SNTB1: variants seen among roughly 807,000 people sequenced by gnomAD.
The protein encoded by SNTB1 is beta-1-syntrophin.
In SNTB1, 36 loss-of-function variants were observed where a neutral mutation model predicts 48.9. That is an observed-to-expected ratio of 0.74 (90% CI 0.56 to 0.97). The LOEUF (loss-of-function observed/expected upper bound fraction) is 0.97. Among genes scored for constraint, SNTB1 ranks in the 50% least tolerant of loss-of-function variants. The pLI is 0.00. For synonymous variants in SNTB1, 299 were observed against 294.6 expected (o/e 1.01, Z -0.15); for missense variants, 786 against 703.4 (o/e 1.12, Z -1.33).
intron 3 of SNTB1, among the ~76,000 whole-genome samples, chr8:120,631,836 T>TA (rs1816986198): frequency 6.6e-6 from 1 of 152,212 alleles, no homozygotes; most frequent in Non-Finnish European, 1.5e-5. Flanking sequence ...TAAGTCTTTA[T>TA]TATCTTTTCA....
At chr8:120,575,525 C>T (rs939788038) in intron 3 of SNTB1, among the ~76,000 whole-genome samples, 1 of 152,174 alleles carries the variant, frequency 6.6e-6, no homozygotes, top group Non-Finnish European at 1.5e-5. Context: ...TAGTGGGAGG[C>T]AAATGCCTGG....
intron 1 of SNTB1, among the ~76,000 whole-genome samples, chr8:120,755,211 G>A (rs1048024392): frequency 6.6e-6 from 1 of 151,820 alleles, no homozygotes; most frequent in African/African-American, 2.4e-5. Context: ...AAGAAAGAGA[G>A]AGAGAGGGTT....
intron 1 of SNTB1, among the ~76,000 whole-genome samples, chr8:120,750,946 AAC>A (rs1162256877): frequency 6.6e-6 from 1 of 152,150 alleles, no homozygotes; most frequent in Admixed American, 6.6e-5. Flanking sequence ...AGATGTTGAA[AAC>A]ACATACAATC....
At chr8:120,750,070 C>T (rs935622749) in intron 1 of SNTB1, among the ~76,000 whole-genome samples, 4 of 152,012 alleles carry the variant, frequency 2.6e-5, no homozygotes, top group African/African-American at 9.7e-5. Context: ...CTTGCAAGGC[C>T]AGCCCTTCCT....
At chr8:120,712,214 A>G (rs1169601135) in intron 1 of SNTB1, among the ~76,000 whole-genome samples, 1 of 152,022 alleles carries the variant, frequency 6.6e-6, no homozygotes, top group Non-Finnish European at 1.5e-5. Context: ...GGAGATCGAG[A>G]CCATCCTGGC....
intron 2 of SNTB1, among the ~76,000 whole-genome samples, chr8:120,645,438 T>A (rs987994572): frequency 2.2e-4 from 34 of 151,352 alleles, no homozygotes; most frequent in African/African-American, 8.0e-4. Flanking sequence ...CCCCATTGCT[T>A]GTTTTTCTCA....
At chr8:120,751,433 T>C (rs188196496) in intron 1 of SNTB1, among the ~76,000 whole-genome samples, 140 of 152,266 alleles carry the variant, frequency 9.2e-4, no homozygotes, top group African/African-American at 3.2e-3. Context: ...TTTTTATTAC[T>C]GCACATTCAA....
chr8:120,584,114 T>C (rs1182169525), intron 3 of SNTB1, among the ~76,000 whole-genome samples: 4 of 152,104 alleles, frequency 2.6e-5, no homozygotes, highest in Non-Finnish European at 5.9e-5. Context: ...AAGACCAGCC[T>C]GGCCAACATG....
At chr8:120,671,106 C>G (rs565000330) in intron 2 of SNTB1, among the ~76,000 whole-genome samples, 12 of 152,192 alleles carry the variant, frequency 7.9e-5, no homozygotes, top group African/African-American at 2.2e-4. Context: ...GATTTCCAGG[C>G]CCCTTTTTTT....
intron 4 of SNTB1, among the ~76,000 whole-genome samples, chr8:120,571,607 C>T (rs1334069868): frequency 6.7e-6 from 1 of 148,540 alleles, no homozygotes; most frequent in Non-Finnish European, 1.5e-5. Context: ...TAGTGATTCT[C>T]CTGGCTCAGC....
At chr8:120,649,758 C>T (rs1817375754) in intron 2 of SNTB1, among the ~76,000 whole-genome samples, 1 of 152,194 alleles carries the variant, frequency 6.6e-6, no homozygotes, top group Non-Finnish European at 1.5e-5. Context: ...GGGCGCCCCT[C>T]CCCCAGCCTA....
chr8:120,591,373 A>G (rs1259981978), intron 3 of SNTB1, among the ~76,000 whole-genome samples: 7 of 152,262 alleles, frequency 4.6e-5, no homozygotes, highest in Middle Eastern at 6.8e-3. Context: ...TTTTCATTAT[A>G]GTCACCTTTT....
intron 1 of SNTB1, among the ~76,000 whole-genome samples, chr8:120,706,160 T>C (rs149080798): frequency 6.6e-6 from 1 of 152,346 alleles, no homozygotes; most frequent in East Asian, 1.9e-4. Flanking sequence ...TCATTGCTGT[T>C]ATTGTTGCTA....
chr8:120,734,169 C>T (rs1049474318), intron 1 of SNTB1, among the ~76,000 whole-genome samples: 5 of 152,144 alleles, frequency 3.3e-5, no homozygotes, highest in African/African-American at 1.2e-4. Flanking sequence ...GCAGGCCAGG[C>T]GCGATGGTTC....
At chr8:120,681,004 T>C (rs548515749) in intron 2 of SNTB1, among the ~76,000 whole-genome samples, 20 of 152,204 alleles carry the variant, frequency 1.3e-4, no homozygotes, top group Non-Finnish European at 2.1e-4. Context: ...AAACTGGAGG[T>C]ACTTAAATTC....
intron 1 of SNTB1, among the ~76,000 whole-genome samples, chr8:120,736,514 G>C (rs2129991739): frequency 6.6e-6 from 1 of 152,344 alleles, no homozygotes; most frequent in Middle Eastern, 3.4e-3. Context: ...TCAAGAGCTG[G>C]TTTTGCTGGA....
At chr8:120,636,009 A>T (rs1172869266) in intron 2 of SNTB1, 7 of 980,442 alleles carry the variant, frequency 7.1e-6, no homozygotes, top group African/African-American at 1.8e-5. Context: ...GAACCAGAAG[A>T]TCTTTTGCAA....
At chr8:120,544,366 C>A (rs902205459) in intron 5 of SNTB1, among the ~76,000 whole-genome samples, 1 of 152,100 alleles carries the variant, frequency 6.6e-6, no homozygotes, top group African/African-American at 2.4e-5. Context: ...ATGTTCTCAA[C>A]CTATACAGAA....
chr8:120,568,176 G>A (rs953888277), intron 4 of SNTB1, among the ~76,000 whole-genome samples: 4 of 152,152 alleles, frequency 2.6e-5, no homozygotes, highest in East Asian at 3.9e-4. Flanking sequence ...CCCACAACCC[G>A]CCAGAAACCA....
Sources: allele counts gnomAD v4.1 joint callset (sites outside exome capture counted in the v4.1 genomes callset), GRCh38; gene constraint gnomAD v4.1.1; transcripts MANE v1.5; gene names NCBI Gene and HGNC (gene_info 2026-07-23, HGNC 2026-07-21).